The following CLDN16 variants were observed in gnomAD, a reference collection of about 807,000 sequenced individuals.
CLDN16 encodes the protein claudin 16, also known as claudin-16.
A neutral mutation model predicts 24.6 loss-of-function variants in CLDN16; 13 were observed. The observed-to-expected ratio is 0.53, with a 90% confidence interval of 0.34 to 0.84. CLDN16 has a LOEUF of 0.84. Among genes scored for constraint, CLDN16 ranks in the 40% least tolerant of loss-of-function variants. CLDN16 has a pLI of 0.01. For synonymous variants in CLDN16, 116 were observed against 106.7 expected, an observed-to-expected ratio of 1.09 and a Z score of -0.54; for missense variants, 298 against 292.7, an observed-to-expected ratio of 1.02 and a Z score of -0.13.
At chr3:190,329,656 A>T (rs1717141394) in intron 1 of CLDN16, among the ~76,000 whole-genome samples, 1 of 152,202 alleles carries the variant, frequency 6.6e-6, no homozygotes, top group South Asian at 2.1e-4. Flanking sequence ...ATTAGACATT[A>T]GTTTTGATTA....
intron 1 of CLDN16, among the ~76,000 whole-genome samples, chr3:190,334,839 A>G (rs992427861): frequency 6.6e-6 from 1 of 152,162 alleles, no homozygotes; most frequent in African/African-American, 2.4e-5. Context: ...TTTCCTCTTC[A>G]CCAGTGGCTG....
chr3:190,315,500 T>C, the CLDN16 span, among the ~76,000 whole-genome samples: 21,240 of 152,104 alleles, frequency 0.14, 1,826 homozygotes, highest in Middle Eastern at 0.24. Flanking sequence ...AGTCATATGA[T>C]TATCTTGAGA....
chr3:190,308,547 T>C, the CLDN16 span: 3 of 1,060,368 alleles, frequency 2.8e-6, no homozygotes, highest in South Asian at 2.7e-5. Context: ...TCATTGAAAA[T>C]AACCCCTGAA....
At chr3:190,328,952 C>G (rs1474439408) in intron 1 of CLDN16, among the ~76,000 whole-genome samples, 1 of 152,070 alleles carries the variant, frequency 6.6e-6, no homozygotes, top group Non-Finnish European at 1.5e-5. Flanking sequence ...ATTTATGTTA[C>G]TTCTCTGGGC....
chr3:190,404,795 C>T lies in CLDN16; in HGVS notation c.251C>T (p.Thr84Ile), dbSNP rs1158867345. Residue 84 changes from threonine to isoleucine, a missense_variant, in exon 3 of 5, where the codon ACT (threonine) becomes ATT (isoleucine). Thr to Ile is a moderately conservative substitution (Grantham distance 89). Transcript: ENST00000264734. The stretch of plus-strand genomic sequence containing the variant: ...GTGGTAACTCGAGCGTTGATGATTA[C>T]TGCAGATATTCTAGCTGGGTTTGGA... Reference protein sequence around the residue: ...KLVVTRALMITADILAGFGFL... With the variant: ...KLVVTRALMIIADILAGFGFL... The T allele has an allele frequency of 2.5e-6, 4 of 1,614,032 alleles. No homozygotes were observed. The African/African-American group carries it at 5.3e-5, about 22-fold the overall frequency.
chr3:190,387,832 T>C, upstream of CLDN16: 1 of 447,056 alleles, frequency 2.2e-6, no homozygotes. Context: ...AATATTAAAA[T>C]AGTCCTAACA....
At chr3:190,397,691 T>G (rs1718856025) in intron 1 of CLDN16, among the ~76,000 whole-genome samples, 2 of 152,190 alleles carry the variant, frequency 1.3e-5, no homozygotes, top group South Asian at 4.1e-4. Context: ...GTTTAGTTAA[T>G]TACAGCCACT....
chr3:190,397,184 T>C (rs1306128554), intron 1 of CLDN16, among the ~76,000 whole-genome samples: 1 of 152,216 alleles, frequency 6.6e-6, no homozygotes, highest in Non-Finnish European at 1.5e-5. Context: ...TTGTGACTTC[T>C]ACTTTATTAT....
intron 2 of CLDN16, among the ~76,000 whole-genome samples, chr3:190,372,308 G>C (rs1039085281): frequency 4.0e-5 from 6 of 151,842 alleles, no homozygotes; most frequent in African/African-American, 1.5e-4. Flanking sequence ...ATTTACTGAT[G>C]TTCTCTGAAC....
chr3:190,328,485 C>T (rs1372532098), intron 1 of CLDN16, among the ~76,000 whole-genome samples: 1 of 152,036 alleles, frequency 6.6e-6, no homozygotes, highest in Non-Finnish European at 1.5e-5. Context: ...ATTGAAGTCA[C>T]TTATGGATAA....
At chr3:190,305,298 G>C in the CLDN16 span, among the ~76,000 whole-genome samples, 1 of 152,276 alleles carries the variant, frequency 6.6e-6, no homozygotes, top group South Asian at 2.1e-4. Context: ...CATCCTTATG[G>C]AGTAGTTTTG....
intron 1 of CLDN16, among the ~76,000 whole-genome samples, chr3:190,344,368 A>G (rs1413079295): frequency 1.3e-5 from 2 of 152,128 alleles, no homozygotes; most frequent in East Asian, 3.9e-4. Flanking sequence ...TAAAAGTACT[A>G]CAGATAAATT....
At chr3:190,323,125 A>G (rs16865346) in intron 1 of CLDN16, among the ~76,000 whole-genome samples, 1 of 151,870 alleles carries the variant, frequency 6.6e-6, no homozygotes. Context: ...CCTTTGATCT[A>G]TGATTGTCCT....
intron 1 of CLDN16, among the ~76,000 whole-genome samples, chr3:190,357,979 C>G (rs1399246830): frequency 6.6e-6 from 1 of 151,700 alleles, no homozygotes; most frequent in Non-Finnish European, 1.5e-5. Context: ...TTATATTCCC[C>G]TGGGTCATGG....
the CLDN16 span, chr3:190,310,206 G>C: frequency 6.2e-7 from 1 of 1,613,844 alleles, no homozygotes; most frequent in South Asian, 1.1e-5. Flanking sequence ...TAGAATTCTT[G>C]AACGATTCTA....
At chr3:190,402,707 C>T (rs1289882817) in intron 2 of CLDN16, among the ~76,000 whole-genome samples, 2 of 152,038 alleles carry the variant, frequency 1.3e-5, no homozygotes, top group Non-Finnish European at 2.9e-5. Flanking sequence ...AGGCATAGTG[C>T]TTCATACTCA....
intron 1 of CLDN16, among the ~76,000 whole-genome samples, chr3:190,363,513 A>G (rs1717945311): frequency 7.2e-6 from 1 of 138,160 alleles, no homozygotes; most frequent in South Asian, 2.3e-4. Flanking sequence ...ACTGTATAAT[A>G]ATTTTTTATT....
the CLDN16 span, chr3:190,306,119 T>C: frequency 3.3e-5 from 5 of 152,262 alleles, no homozygotes; most frequent in Admixed American, 6.5e-5. Context: ...CAGCGTCAGC[T>C]GCCAGCTAAC....
rs1278266886 is a variant in CLDN16 at position 190,410,100 on chromosome 3, TAGTA to T, written c.*68_*71del. 1.9e-6 allele frequency: 3 copies of T among 1,547,722 alleles called. No individual in the cohort carries two copies. In the African/African-American group the frequency reaches 4.1e-5, roughly 21 times the overall value. On this transcript the variant is annotated 3_prime_UTR_variant, in exon 5 of 5. Coordinates refer to ENST00000264734, the MANE Select transcript of CLDN16 (RefSeq NM_006580.4). ...AATCAGTATGGTTACATTGATAAAA[TAGTA>T]AGTCAATCCAGGAACAGTTATTTAG...
Sources: allele counts gnomAD v4.1 joint callset (sites outside exome capture counted in the v4.1 genomes callset), GRCh38; gene constraint gnomAD v4.1.1; transcripts MANE v1.5; gene names NCBI Gene and HGNC (gene_info 2026-07-23, HGNC 2026-07-21).